Variants in PCBP3 observed in about 807,000 individuals in gnomAD.
PCBP3 encodes poly(rC) binding protein 3.
Under a neutral mutation model 52.7 loss-of-function variants are expected in PCBP3, and 25 were observed. The observed-to-expected ratio is 0.47, with a 90% CI of 0.35 to 0.66. PCBP3 has a LOEUF of 0.66. Ranked by LOEUF, PCBP3 falls within the 30% of genes least tolerant of loss-of-function variation. The pLI is 0.01. For missense variants in PCBP3, 391 were observed against 490.3 expected, an observed-to-expected ratio of 0.80 and a Z score of 1.91; for synonymous variants, 162 against 183.0, an observed-to-expected ratio of 0.89 and a Z score of 0.93.
intron 1 of PCBP3, among the ~76,000 whole-genome samples, chr21:45,667,267 C>A (rs1409497696): frequency 6.6e-6 from 1 of 151,802 alleles, no homozygotes; most frequent in African/African-American, 2.4e-5. Flanking sequence ...CTCAGCCTCC[C>A]AAAATGTTGG....
At chr21:45,758,505 C>T (rs918632883) in intron 4 of PCBP3, among the ~76,000 whole-genome samples, 3 of 152,178 alleles carry the variant, frequency 2.0e-5, no homozygotes, top group African/African-American at 7.2e-5. Context: ...ATAGTTTTCA[C>T]AGTGCAAGTC....
chr21:45,656,449 C>T lies in PCBP3; in HGVS notation c.-278-12425C>T, dbSNP rs959901579. Among the ~76,000 whole-genome samples the T allele has an allele frequency of 2.1e-4, 32 of 152,182 alleles. No individual in the cohort carries two copies. Among genetic ancestry groups the T allele is most frequent in the African/African-American group, 7.2e-4 (30 of 41,502 alleles). ...ATAAGTGGGAGTTGAACAATGAGAA[C>T]ACATGGACACAGGGAGGGGAACATC... is the stretch of plus-strand genomic sequence containing the variant. On this transcript the variant is annotated intron_variant, in intron 1 of 17. Transcript: ENST00000681687. This position sits in a 1 kb window ranked among gnomAD's most constrained non-coding sequence, Gnocchi z 4.3.
chr21:45,902,129 G>C (rs2096071682), intron 9 of PCBP3, among the ~76,000 whole-genome samples: 1 of 152,222 alleles, frequency 6.6e-6, no homozygotes, highest in African/African-American at 2.4e-5. Flanking sequence ...CATGTGACTG[G>C]TTGGAGGAGT....
intron 11 of PCBP3, chr21:45,911,325 TG>T: frequency 2.5e-6 from 1 of 400,086 alleles, no homozygotes; most frequent in South Asian, 2.1e-5. Context: ...GTCATCCCAC[TG>T]AGGGGTCTTC....
chr21:45,898,623 G>A (rs1472111099), intron 6 of PCBP3, among the ~76,000 whole-genome samples: 81 of 108,536 alleles, frequency 7.5e-4, no homozygotes, highest in African/African-American at 2.4e-3. Context: ...CGTCCTCACG[G>A]CCTCCCTCTC....
At chr21:45,934,741 G>A (rs1041143239) in intron 15 of PCBP3, among the ~76,000 whole-genome samples, 8 of 152,200 alleles carry the variant, frequency 5.3e-5, no homozygotes, top group South Asian at 2.1e-4. Context: ...GCAGGAGGCC[G>A]GGGGGTGTCA....
chr21:45,696,022 T>G (rs2082743489), intron 2 of PCBP3, among the ~76,000 whole-genome samples: 1 of 129,876 alleles, frequency 7.7e-6, no homozygotes, highest in South Asian at 2.3e-4. Context: ...GAGGTTGCAG[T>G]GAGCCGAGAT....
At chr21:45,929,795 A>C (rs1357851600) in intron 13 of PCBP3, 122 bp from the exon 14 acceptor site, 3 of 735,946 alleles carry the variant, frequency 4.1e-6, no homozygotes, top group African/African-American at 3.5e-5. Context: ...TGCATCTGCC[A>C]TGTGTCCGCA....
At chr21:45,919,450 A>G (rs2074087946) in intron 13 of PCBP3, 1 of 152,220 alleles carries the variant, frequency 6.6e-6, no homozygotes, top group Admixed American at 6.5e-5. Context: ...TTAAGAGTTA[A>G]TGAACATTAA....
At chr21:45,685,010 C>G (rs1268382811) in intron 2 of PCBP3, among the ~76,000 whole-genome samples, 2 of 152,202 alleles carry the variant, frequency 1.3e-5, no homozygotes, top group Admixed American at 6.5e-5. Context: ...ATGTATATCC[C>G]TGTGACTGTC....
rs1231552033 is a variant in PCBP3 at position 45,941,755 on chromosome 21, G to GC, written c.*54dup. 3.9e-6 allele frequency: 6 copies of GC among 1,534,602 alleles called. No individual in the cohort carries two copies. The South Asian group carries it at 7.1e-5, about 18-fold the overall frequency. ...CGTCACCCACCTGCCAGAGCCTAAG[G>GC]CCCCCGGCTCTCGCACTCTGTACAG... On this transcript the variant is annotated 3_prime_UTR_variant, in exon 18 of 18. Coordinates refer to ENST00000681687, the MANE Select transcript of PCBP3 (RefSeq NM_001384156.1).
At chr21:45,907,392 A>G (rs1211974933) in intron 9 of PCBP3, among the ~76,000 whole-genome samples, 1 of 152,304 alleles carries the variant, frequency 6.6e-6, no homozygotes, top group East Asian at 1.9e-4. Flanking sequence ...GGCTGCCCTC[A>G]CGCCAGCGCC....
Position 45,853,483 on chromosome 21 carries a change from G to T in PCBP3, c.10+3388G>T, listed in dbSNP as rs771880601. Among the ~76,000 whole-genome samples, 1 of 152,206 alleles carries T rather than the reference G, an allele frequency of 6.6e-6. No homozygotes were observed. The highest frequency in any genetic ancestry group is 6.5e-5 in the Admixed American group (1 of 15,280). ...TGAAAATGAGAGCACAGTCCACAGGGTGGGAGCAGCCCGAGCAAGCAGCTC... is the reference window on the plus strand; with the variant it reads ...TGAAAATGAGAGCACAGTCCACAGGTTGGGAGCAGCCCGAGCAAGCAGCTC... On this transcript the variant is annotated intron_variant, in intron 5 of 17. Coordinates refer to ENST00000681687, the MANE Select transcript of PCBP3 (RefSeq NM_001384156.1). This position sits in a 1 kb window ranked among gnomAD's most constrained non-coding sequence, Gnocchi z 4.6.
chr21:45,878,974 C>T (rs773339194), intron 5 of PCBP3, among the ~76,000 whole-genome samples: 48 of 152,106 alleles, frequency 3.2e-4, no homozygotes, highest in Admixed American at 1.5e-3. Context: ...GCAGGGAAAG[C>T]GAAGGTTTTG....
chr21:45,816,040 G>C (rs534966323), intron 4 of PCBP3, among the ~76,000 whole-genome samples: 2 of 143,952 alleles, frequency 1.4e-5, no homozygotes, highest in East Asian at 4.4e-4. Context: ...TGAGTGGTGA[G>C]TGAGTGGTGA....
chr21:45,764,479 G>GT (rs1603403513), intron 4 of PCBP3, among the ~76,000 whole-genome samples: 1 of 152,240 alleles, frequency 6.6e-6, no homozygotes, highest in East Asian at 1.9e-4. Context: ...AGCTGGCTGT[G>GT]TATTAGTTAA....
At chr21:45,808,355 AC>A (rs1361911762) in intron 4 of PCBP3, among the ~76,000 whole-genome samples, 9 of 152,246 alleles carry the variant, frequency 5.9e-5, no homozygotes, top group African/African-American at 2.2e-4. Flanking sequence ...CAAGAAAAAA[AC>A]AACCCCATCA....
chr21:45,881,902 ATGTC>A (rs1468924110), intron 5 of PCBP3, among the ~76,000 whole-genome samples: 2 of 152,124 alleles, frequency 1.3e-5, no homozygotes. Context: ...TTCTGTGTGT[ATGTC>A]TGTGTGTGAC....
At chr21:45,650,109 T>G (rs920985090) in intron 1 of PCBP3, among the ~76,000 whole-genome samples, 1 of 151,856 alleles carries the variant, frequency 6.6e-6, no homozygotes, top group African/African-American at 2.4e-5. Context: ...GGAGGATCAT[T>G]TGAGCGCAGG....
Sources: gnomAD v4.1 joint callset for allele counts (sites outside exome capture counted in the v4.1 genomes callset) on GRCh38, gnomAD v4.1.1 for gene constraint, Gnocchi (gnomAD v3.1) non-coding constraint, MANE v1.5 for transcripts, NCBI Gene and HGNC (gene_info 2026-07-23, HGNC 2026-07-21) for gene names.